Variants in STAT1 observed in about 807,000 individuals in gnomAD.
The protein encoded by STAT1 is signal transducer and activator of transcription 1-alpha/beta.
A neutral mutation model predicts 111.7 loss-of-function variants in STAT1; 24 were observed. That is an observed-to-expected ratio of 0.21 (90% CI 0.16 to 0.30). The LOEUF is 0.30. Ranked by LOEUF, STAT1 falls within the 10% of genes least tolerant of loss-of-function variation. The pLI, the probability that STAT1 is intolerant of heterozygous loss-of-function variation, is 1.00. For synonymous variants in STAT1, 332 were observed against 326.5 expected (o/e 1.02, Z -0.18); for missense variants, 351 against 911.9 (o/e 0.38, Z 7.92).
Position 190,979,649 on chromosome 2 carries a change from A to G in STAT1, c.1727+123T>C, listed in dbSNP as rs1427611165. On this transcript the variant is annotated intron_variant, in intron 20 of 24. Transcript: ENST00000361099. The surrounding 1 kb of genome is among the most constrained non-coding windows in gnomAD (Gnocchi z 5.8). Reference sequence around the variant, plus strand: ...TTCTGAAGCCCTGAAGGGGCAGCCTATAAATGCGCACTCCTGTGAGATTCA... The same window carrying G: ...TTCTGAAGCCCTGAAGGGGCAGCCTGTAAATGCGCACTCCTGTGAGATTCA... 3 of 791,762 alleles carry G rather than the reference A, an allele frequency of 3.8e-6. No homozygotes were observed. Among genetic ancestry groups the G allele is most frequent in the Non-Finnish European group, 6.6e-6 (3 of 452,106 alleles). 49.0% of individuals were successfully genotyped at this position (791,762 alleles called of 1,614,324 possible). A position where few individuals can be genotyped will look rare whatever the true frequency, so the allele number is the denominator to read the frequency against.
chr2:191,010,133 AT>A, intron 2 of STAT1, 129 bp from the exon 3 acceptor site: 1 of 1,157,058 alleles, frequency 8.6e-7, no homozygotes, highest in Non-Finnish European at 1.2e-6. Flanking sequence ...TCCCAGGAAT[AT>A]TTTATTTAAA....
chr2:190,975,534 C>T lies in STAT1; in HGVS notation c.2135+278G>A, dbSNP rs2124995483. 7.7e-7 allele frequency: 1 copy of T among 1,307,082 alleles called. No homozygotes were observed. Among genetic ancestry groups the T allele is most frequent in the Non-Finnish European group, 1.0e-6 (1 of 989,394 alleles). 81.0% of individuals were successfully genotyped at this position (1,307,082 alleles called of 1,614,324 possible). A position where few individuals can be genotyped will look rare whatever the true frequency, so the allele number is the denominator to read the frequency against. On this transcript the variant is annotated intron_variant, in intron 23 of 24. Transcript: ENST00000361099. This position sits in a 1 kb window ranked among gnomAD's most constrained non-coding sequence, Gnocchi z 5.9. Reference sequence around the variant, plus strand: ...GATTGAAAAGAACTACTTTCCCACTCTGATCAACTTTTGCTCATTTTATTT... The same window carrying T: ...GATTGAAAAGAACTACTTTCCCACTTTGATCAACTTTTGCTCATTTTATTT...
rs1168581305 is a variant in STAT1 at position 190,971,977 on chromosome 2, T to C, written c.2239-1260A>G. 6.6e-6 allele frequency among the ~76,000 whole-genome samples: 1 copy of C among 152,070 alleles called. No homozygotes were observed. Among genetic ancestry groups the C allele is most frequent in the African/African-American group, 2.4e-5 (1 of 41,408 alleles). On this transcript the variant is annotated intron_variant, in intron 24 of 24. Coordinates refer to ENST00000361099, the MANE Select transcript of STAT1 (RefSeq NM_007315.4). The surrounding 1 kb of genome is among the most constrained non-coding windows in gnomAD (Gnocchi z 4.1). ...ATCCACCTGCCCCGGCCTCCCAAAA[T>C]GTTGAGATTACAGGCGTGAGCCACC...
chr2:190,993,891 C>A lies in STAT1; in HGVS notation c.944+1170G>T, dbSNP rs990042824. Reference sequence around the variant, plus strand: ...AGAGCCTACTGTTCACAAGGCACTGCGCTAGGTCCTGCTGGGGGAAAAGGG... The same window carrying A: ...AGAGCCTACTGTTCACAAGGCACTGAGCTAGGTCCTGCTGGGGGAAAAGGG... On this transcript the variant is annotated intron_variant, in intron 10 of 24. Transcript: ENST00000361099. This position sits in a 1 kb window ranked among gnomAD's most constrained non-coding sequence, Gnocchi z 4.1. Among the ~76,000 whole-genome samples, 3 of 152,040 alleles carry A rather than the reference C, an allele frequency of 2.0e-5. No individual in the cohort carries two copies. Among genetic ancestry groups the A allele is most frequent in the Non-Finnish European group, 2.9e-5 (2 of 68,008 alleles).
chr2:191,011,793 C>G (rs1244958284), intron 2 of STAT1, among the ~76,000 whole-genome samples: 1 of 152,148 alleles, frequency 6.6e-6, no homozygotes, highest in African/African-American at 2.4e-5. Context: ...GAGATGCCTT[C>G]TGCCATGCAG....
rs1693895563 is a variant in STAT1 at position 190,996,844 on chromosome 2, C to T, written c.785+1012G>A. ...GTGATTCCAAGTTCAGCTCCTGTTGCCCCTCACCTGGACCACACTAATATG... is the reference window on the plus strand; with the variant it reads ...GTGATTCCAAGTTCAGCTCCTGTTGTCCCTCACCTGGACCACACTAATATG... On this transcript the variant is annotated intron_variant, in intron 9 of 24. Coordinates refer to ENST00000361099, the MANE Select transcript of STAT1 (RefSeq NM_007315.4). The surrounding 1 kb of genome is among the most constrained non-coding windows in gnomAD (Gnocchi z 4.5). Among the ~76,000 whole-genome samples the T allele has an allele frequency of 6.6e-6, 1 of 152,198 alleles. No individual in the cohort carries two copies. Among genetic ancestry groups the T allele is most frequent in the African/African-American group, 2.4e-5 (1 of 41,454 alleles).
At chr2:190,992,627 T>G in intron 10 of STAT1, 1 of 1,121,784 alleles carries the variant, frequency 8.9e-7, no homozygotes, top group East Asian at 3.2e-5. Context: ...GAGAAAAGGA[T>G]GGAGGCAAAT....
intron 14 of STAT1, among the ~76,000 whole-genome samples, chr2:190,985,947 T>C (rs1433279777): frequency 6.6e-6 from 1 of 152,206 alleles, no homozygotes; most frequent in African/African-American, 2.4e-5. Flanking sequence ...TGCACCTTCG[T>C]TAACTGTTTC....
rs567772993 is a variant in STAT1, at chr2:190,978,363, T to A, written c.1873+493A>T. ...ATAGAAACCCCATATATGATAAAGATAAATTTGCAGCTGCTCTGTTTGAAG... is the reference window on the plus strand; with the variant it reads ...ATAGAAACCCCATATATGATAAAGAAAAATTTGCAGCTGCTCTGTTTGAAG... On this transcript the variant is annotated intron_variant, in intron 21 of 24. Transcript: ENST00000361099. The surrounding 1 kb of genome is among the most constrained non-coding windows in gnomAD (Gnocchi z 6.1). 1 of 182,070 alleles carries A rather than the reference T, an allele frequency of 5.5e-6. No homozygotes were observed. Among genetic ancestry groups the A allele is most frequent in the South Asian group, 1.2e-4 (1 of 8,652 alleles). 11.3% of individuals were successfully genotyped at this position (182,070 alleles called of 1,614,324 possible). A position where few individuals can be genotyped will look rare whatever the true frequency, so the allele number is the denominator to read the frequency against.
chr2:190,995,290 T>C lies in STAT1; in HGVS notation c.786-71A>G, dbSNP rs1243328800. ...AAGCAGCCTGGATTAAAGGGAATCA[T>C]GGTATATTAGTCCATTCTCATGCTG... On this transcript the variant is annotated intron_variant, in intron 9 of 24. Coordinates refer to ENST00000361099, the MANE Select transcript of STAT1 (RefSeq NM_007315.4). This position sits in a 1 kb window ranked among gnomAD's most constrained non-coding sequence, Gnocchi z 4.2. 6.2e-6 allele frequency: 9 copies of C among 1,451,676 alleles called. 1 individual carries two copies. The highest frequency in any genetic ancestry group is 2.8e-5 in the African/African-American group (2 of 71,694). 89.9% of individuals were successfully genotyped at this position (1,451,676 alleles called of 1,614,324 possible).
chr2:190,982,780 ACACACAGCAG>A lies in STAT1; in HGVS notation c.1447-272_1447-263del, dbSNP rs991383711. On this transcript the variant is annotated intron_variant, in intron 17 of 24. Transcript: ENST00000361099. This position sits in a 1 kb window ranked among gnomAD's most constrained non-coding sequence, Gnocchi z 7.3. Reference sequence around the variant, plus strand: ...GGGTCATTTGAAGACACACCCGTGCACACACAGCAGCACACAGCAGCAAAGAATTCGAGTC... The same window carrying A: ...GGGTCATTTGAAGACACACCCGTGCACACACAGCAGCAAAGAATTCGAGTC... Among the ~76,000 whole-genome samples, 5 of 152,350 alleles carry A rather than the reference ACACACAGCAG, an allele frequency of 3.3e-5. No individual in the cohort carries two copies. In the South Asian group the frequency reaches 6.2e-4, roughly 19 times the overall value.
In STAT1 at chr2:191,003,308, T is replaced by C. The variant is rs1000557233; in HGVS notation, c.373-2145A>G. 1.3e-5 allele frequency among the ~76,000 whole-genome samples: 2 copies of C among 152,218 alleles called. No individual in the cohort carries two copies. The highest frequency in any genetic ancestry group is 2.9e-5 in the Non-Finnish European group (2 of 68,024). On this transcript the variant is annotated intron_variant, in intron 5 of 24. Transcript: ENST00000361099. This position sits in a 1 kb window ranked among gnomAD's most constrained non-coding sequence, Gnocchi z 4.0. The stretch of plus-strand genomic sequence containing the variant: ...TGACAAAAGGGGTTTCTCTGGGCGG[T>C]TGGAATAAGTTGTCACTTTGAGGAG...
rs55679824 is a variant in STAT1 at position 190,978,637 on chromosome 2, T to C, written c.1873+219A>G. On this transcript the variant is annotated intron_variant, in intron 21 of 24. Transcript: ENST00000361099. This position sits in a 1 kb window ranked among gnomAD's most constrained non-coding sequence, Gnocchi z 6.1. Reference sequence around the variant, plus strand: ...GCAAAGGAAAGAATTGGCATTGTCTTTTCAAAACCATCATTTCCACAATAT... The same window carrying C: ...GCAAAGGAAAGAATTGGCATTGTCTCTTCAAAACCATCATTTCCACAATAT... 3.8e-4 allele frequency: 243 copies of C among 642,636 alleles called. 1 individual carries two copies. In the East Asian group the frequency reaches 6.7e-3, roughly 18 times the overall value. 39.8% of individuals were successfully genotyped at this position (642,636 alleles called of 1,614,324 possible).
rs956490003 is a variant in STAT1, at chr2:190,979,275, G to C, written c.1728-274C>G. On this transcript the variant is annotated intron_variant, in intron 20 of 24. Coordinates refer to ENST00000361099, the MANE Select transcript of STAT1 (RefSeq NM_007315.4). This position sits in a 1 kb window ranked among gnomAD's most constrained non-coding sequence, Gnocchi z 5.8. ...GTGTGGGATTAATGAGCCTTTTATT[G>C]TTCCTTTATTATTTTAAAGGCCATA... 6.6e-5 allele frequency among the ~76,000 whole-genome samples: 10 copies of C among 152,028 alleles called. No individual in the cohort carries two copies. The highest frequency in any genetic ancestry group is 6.5e-4 in the Admixed American group (10 of 15,280).
rs1177785137 is a variant in STAT1 at position 190,986,889 on chromosome 2, T to C, written c.1186A>G (p.Thr396Ala). Residue 396 changes from threonine to alanine, a missense_variant, in exon 14 of 25, where the codon ACC becomes GCC. Thr to Ala is a moderately conservative substitution (Grantham distance 58, BLOSUM62 0). This residue lies in a region of STAT1 where 23 missense variants were observed against 123.1 expected (regional missense o/e 0.19). Coordinates refer to ENST00000361099, the MANE Select transcript of STAT1 (RefSeq NM_007315.4). This position sits in a 1 kb window ranked among gnomAD's most constrained non-coding sequence, Gnocchi z 5.0. ...AATTCAGCCGCCAGACTGCCATTGG[T>C]GGACTCCTCCATGTTCATCACTTTT... ...HTKVMNMEESTNGSLAAEFRH... is the reference protein window; with the variant it reads ...HTKVMNMEESANGSLAAEFRH... 6.2e-7 allele frequency: 1 copy of C among 1,614,124 alleles called. No homozygotes were observed. Among genetic ancestry groups the C allele is most frequent in the Non-Finnish European group, 8.5e-7 (1 of 1,180,054 alleles).
rs1029055651 is a variant in STAT1 at position 190,977,720 on chromosome 2, T to C, written c.1874-695A>G. 1.3e-5 allele frequency among the ~76,000 whole-genome samples: 2 copies of C among 152,080 alleles called. No homozygotes were observed. Among genetic ancestry groups the C allele is most frequent in the East Asian group, 3.9e-4 (2 of 5,184 alleles). On this transcript the variant is annotated intron_variant, in intron 21 of 24. Coordinates refer to ENST00000361099, the MANE Select transcript of STAT1 (RefSeq NM_007315.4). The surrounding 1 kb of genome is among the most constrained non-coding windows in gnomAD (Gnocchi z 4.7). Reference sequence around the variant, plus strand: ...TCCTAACCCTTCCTGGCTGGTAGTGTCCTGCTTGACCTTTCCTGGTTGCCA... The same window carrying C: ...TCCTAACCCTTCCTGGCTGGTAGTGCCCTGCTTGACCTTTCCTGGTTGCCA...
At chr2:191,008,123 T>C (rs1694842986) in intron 4 of STAT1, 2 of 399,078 alleles carry the variant, frequency 5.0e-6, no homozygotes, top group African/African-American at 2.1e-5. Context: ...ACACTACCAA[T>C]AGCAATAATG....
chr2:190,970,406 A>G lies in STAT1; in HGVS notation c.*297T>C. The G allele has an allele frequency of 2.1e-6, 1 of 480,454 alleles. No homozygotes were observed. Among genetic ancestry groups the G allele is most frequent in the Non-Finnish European group, 3.8e-6 (1 of 262,040 alleles). 29.8% of individuals were successfully genotyped at this position (480,454 alleles called of 1,614,324 possible). The stretch of plus-strand genomic sequence containing the variant: ...ATGTTGCTTAACTTCTCCTTTCCCA[A>G]AGGACCCTCATTCTCGTCCTGATAC... On this transcript the variant is annotated 3_prime_UTR_variant, in exon 25 of 25. Transcript: ENST00000361099. The surrounding 1 kb of genome is among the most constrained non-coding windows in gnomAD (Gnocchi z 5.4).
chr2:191,010,101 G>A (rs1276484773), intron 2 of STAT1, 97 bp from the exon 3 acceptor site: 10 of 1,382,106 alleles, frequency 7.2e-6, no homozygotes, highest in African/African-American at 1.4e-5. Context: ...TAAATATCTT[G>A]CTTAATCCAA....
Sources: allele counts gnomAD v4.1 joint callset (sites outside exome capture counted in the v4.1 genomes callset), GRCh38; gene constraint gnomAD v4.1.1; regional missense constraint gnomAD v4.1.1; non-coding constraint Gnocchi (gnomAD v3.1); transcripts MANE v1.5; gene names NCBI Gene and HGNC (gene_info 2026-07-23, HGNC 2026-07-21).